The following PARD3 variants were observed in gnomAD, a reference collection of about 807,000 sequenced individuals.
The protein encoded by PARD3 is par-3 family cell polarity regulator, also known as partitioning defective 3 homolog.
A neutral mutation model predicts 155.4 loss-of-function variants in PARD3; 75 were observed. That is an observed-to-expected ratio of 0.48 (90% CI 0.40 to 0.58). PARD3 has a LOEUF of 0.58. Among genes scored for constraint, PARD3 ranks in the 20% least tolerant of loss-of-function variants. PARD3 has a pLI of 0.00. For missense variants in PARD3, 1,642 were observed against 1,721.7 expected (o/e 0.95, Z 0.82); for synonymous variants, 576 against 610.5 (o/e 0.94, Z 0.83).
chr10:34,177,144 A>G (rs1950066881), intron 22 of PARD3, among the ~76,000 whole-genome samples: 1 of 152,170 alleles, frequency 6.6e-6, no homozygotes, highest in African/African-American at 2.4e-5. Context: ...TTACAATTTA[A>G]GGCTAACATA....
At chr10:34,656,087 A>C (rs751234087) in intron 2 of PARD3, among the ~76,000 whole-genome samples, 7 of 152,182 alleles carry the variant, frequency 4.6e-5, no homozygotes, top group Non-Finnish European at 1.0e-4. Flanking sequence ...ATGGTATACA[A>C]ATTTGATGTT....
chr10:34,220,519 T>C (rs573418739), intron 22 of PARD3, among the ~76,000 whole-genome samples: 1 of 152,290 alleles, frequency 6.6e-6, no homozygotes, highest in African/African-American at 2.4e-5. Context: ...AGAGGGCTGG[T>C]GACTCTTGGC....
intron 2 of PARD3, among the ~76,000 whole-genome samples, chr10:34,570,258 A>C (rs2086282939): frequency 6.6e-6 from 1 of 152,204 alleles, no homozygotes; most frequent in African/African-American, 2.4e-5. Flanking sequence ...GTGTCTTCTT[A>C]CTTCTGAAGG....
chr10:34,468,322 C>T (rs2078133952), intron 4 of PARD3, among the ~76,000 whole-genome samples: 2 of 152,224 alleles, frequency 1.3e-5, no homozygotes. Flanking sequence ...AAAACACGTT[C>T]TGTTTGCTGC....
chr10:34,168,738 A>G (rs1949653790), intron 22 of PARD3, among the ~76,000 whole-genome samples: 1 of 152,212 alleles, frequency 6.6e-6, no homozygotes, highest in African/African-American at 2.4e-5. Flanking sequence ...GTTTGGTAAC[A>G]TATTTCCAAC....
chr10:34,150,376 T>G (rs994321493), intron 22 of PARD3, among the ~76,000 whole-genome samples: 15 of 152,194 alleles, frequency 9.9e-5, no homozygotes, highest in African/African-American at 3.4e-4. Context: ...GTCATGGAAG[T>G]GGATGAAATC....
intron 3 of PARD3, among the ~76,000 whole-genome samples, 176 bp from the exon 4 acceptor site, chr10:34,470,439 G>A (rs1056174515): frequency 6.6e-6 from 1 of 152,142 alleles, no homozygotes; most frequent in African/African-American, 2.4e-5. Flanking sequence ...AATACTACAC[G>A]GTGAAAGAGA....
chr10:34,166,523 C>G (rs1032323268), intron 22 of PARD3, among the ~76,000 whole-genome samples: 1 of 151,682 alleles, frequency 6.6e-6, no homozygotes, highest in African/African-American at 2.4e-5. Flanking sequence ...GAGGCTAAGG[C>G]GGGGGCAGGC....
At chr10:34,179,507 G>A (rs11009667) in intron 22 of PARD3, among the ~76,000 whole-genome samples, 258 of 152,224 alleles carry the variant, frequency 1.7e-3, no homozygotes, top group African/African-American at 5.8e-3. Context: ...ATTAATCAAG[G>A]TAATTACAGA....
intron 5 of PARD3, among the ~76,000 whole-genome samples, chr10:34,446,853 C>A (rs915409380): frequency 6.6e-6 from 1 of 152,070 alleles, no homozygotes; most frequent in African/African-American, 2.4e-5. Context: ...GATCTTTATA[C>A]CATAAAACAT....
At chr10:34,780,966 C>T (rs943928216) in intron 1 of PARD3, among the ~76,000 whole-genome samples, 2 of 152,198 alleles carry the variant, frequency 1.3e-5, no homozygotes, top group Non-Finnish European at 2.9e-5. Context: ...ATAAAAGCAA[C>T]TTGGGATTTC....
intron 5 of PARD3, 30 bp downstream of exon 5, chr10:34,450,287 T>G: frequency 6.2e-7 from 1 of 1,602,626 alleles, no homozygotes; most frequent in Non-Finnish European, 8.5e-7. Context: ...GTTACAGCAA[T>G]GACGCACATA....
intron 3 of PARD3, among the ~76,000 whole-genome samples, chr10:34,476,426 C>A (rs1451901979): frequency 6.6e-6 from 1 of 152,064 alleles, no homozygotes; most frequent in Non-Finnish European, 1.5e-5. Flanking sequence ...CGGTGAACAA[C>A]ACAAAATCGC....
chr10:34,157,545 C>T (rs1949067071), intron 22 of PARD3, among the ~76,000 whole-genome samples: 1 of 152,208 alleles, frequency 6.6e-6, no homozygotes, highest in Non-Finnish European at 1.5e-5. Context: ...CCTCCTAACA[C>T]AGATTATCAT....
At chr10:34,727,826 A>C (rs934154464) in intron 1 of PARD3, among the ~76,000 whole-genome samples, 1 of 150,896 alleles carries the variant, frequency 6.6e-6, no homozygotes, top group Non-Finnish European at 1.5e-5. Flanking sequence ...ACACACACAC[A>C]CACACACGCA....
chr10:34,516,217 A>C (rs1204467256), intron 3 of PARD3, among the ~76,000 whole-genome samples: 1 of 152,150 alleles, frequency 6.6e-6, no homozygotes, highest in Admixed American at 6.5e-5. Flanking sequence ...CGCCCACCTC[A>C]GCCTCCCAAA....
At chr10:34,520,040 C>G (rs2082047077) in intron 2 of PARD3, among the ~76,000 whole-genome samples, 1 of 152,088 alleles carries the variant, frequency 6.6e-6, no homozygotes, top group African/African-American at 2.4e-5. Flanking sequence ...TCTCCTGCCT[C>G]CAATCCAAGC....
At chr10:34,537,140 C>T (rs962594851) in intron 2 of PARD3, among the ~76,000 whole-genome samples, 1 of 152,176 alleles carries the variant, frequency 6.6e-6, no homozygotes, top group African/African-American at 2.4e-5. Context: ...GTAGCTTTGA[C>T]TACAGGTGCG....
intron 2 of PARD3, among the ~76,000 whole-genome samples, chr10:34,656,840 G>T (rs1430857736): frequency 6.6e-6 from 1 of 152,182 alleles, no homozygotes; most frequent in Non-Finnish European, 1.5e-5. Context: ...CTGTATTAAG[G>T]CCTTGTTAGC....
Sources: gnomAD v4.1 joint callset for allele counts (sites outside exome capture counted in the v4.1 genomes callset) on GRCh38, gnomAD v4.1.1 for gene constraint, MANE v1.5 for transcripts, NCBI Gene and HGNC (gene_info 2026-07-23, HGNC 2026-07-21) for gene names.